RFX8: variants seen among roughly 807,000 people sequenced by gnomAD.
The protein encoded by RFX8 is DNA-binding protein RFX8.
Under a neutral mutation model 54.6 loss-of-function variants are expected in RFX8, and 46 were observed. The ratio of observed to expected loss-of-function variants is 0.84; its 90% CI spans 0.67 to 1.08. The LOEUF (loss-of-function observed/expected upper bound fraction) is 1.08, where lower values mean the gene tolerates loss of function less well. Ranked by LOEUF, RFX8 falls within the 50% of genes least tolerant of loss-of-function variation. The pLI is 0.00. For missense variants in RFX8, 536 were observed against 562.3 expected, an observed-to-expected ratio of 0.95 and a Z score of 0.47; for synonymous variants, 192 against 209.5, an observed-to-expected ratio of 0.92 and a Z score of 0.72.
At chr2:101,458,886 T>C (rs1689122480) in intron 2 of RFX8, among the ~76,000 whole-genome samples, 3 of 152,242 alleles carry the variant, frequency 2.0e-5, no homozygotes, top group Non-Finnish European at 4.4e-5. Flanking sequence ...TAGTCCCATA[T>C]TTCTTGGCGG....
At chr2:101,474,185 G>A (rs1690172294) in intron 1 of RFX8, 5 of 626,690 alleles carry the variant, frequency 8.0e-6, no homozygotes, top group Non-Finnish European at 1.4e-5. Flanking sequence ...CAGCGTCCCA[G>A]GCGCCTGGCG....
At chr2:101,447,610 A>G (rs749965963) in intron 2 of RFX8, among the ~76,000 whole-genome samples, 2 of 152,206 alleles carry the variant, frequency 1.3e-5, no homozygotes, top group Non-Finnish European at 2.9e-5. Flanking sequence ...TTGTGTTGGG[A>G]ACATTTCAAA....
intron 2 of RFX8, among the ~76,000 whole-genome samples, chr2:101,432,044 G>A (rs1687514358): frequency 6.6e-6 from 1 of 152,036 alleles, no homozygotes; most frequent in Non-Finnish European, 1.5e-5. Flanking sequence ...TGGAGAGATG[G>A]GGTCATCTAT....
At position 101,462,049 on chromosome 2, in the gene RFX8, T is replaced by C. The variant is rs1024065409; in HGVS notation, c.72+4728A>G. Among the ~76,000 whole-genome samples, 3 of 152,104 alleles carry C rather than the reference T, an allele frequency of 2.0e-5. No individual in the cohort carries two copies. In the East Asian group the frequency reaches 5.8e-4, roughly 29 times the overall value. ...TCGGCAGGCCACATATGGGGATCTA[T>C]CCTAAAAAAATGACCAGATATGGAT... On this transcript the variant is annotated intron_variant, in intron 2 of 11. Transcript: ENST00000428343.
At chr2:101,469,745 G>A (rs954721011) in intron 1 of RFX8, among the ~76,000 whole-genome samples, 1 of 152,020 alleles carries the variant, frequency 6.6e-6, no homozygotes, top group Admixed American at 6.6e-5. Context: ...ATGAATTGCT[G>A]TCCTCCCAAT....
chr2:101,422,261 C>T (rs924295665), intron 3 of RFX8, 101 bp downstream of exon 3: 4 of 683,222 alleles, frequency 5.9e-6, no homozygotes, highest in Non-Finnish European at 1.1e-5. Flanking sequence ...AAACATTATT[C>T]CATGTGACAC....
intron 1 of RFX8, among the ~76,000 whole-genome samples, chr2:101,470,709 CT>C (rs537834632): frequency 4.2e-3 from 444 of 105,498 alleles, no homozygotes; most frequent in African/African-American, 6.4e-3. Context: ...TCTGAGTACT[CT>C]TTTTTTTTTT....
At chr2:101,452,015 C>T (rs1202991583) in intron 2 of RFX8, among the ~76,000 whole-genome samples, 4 of 151,236 alleles carry the variant, frequency 2.6e-5, no homozygotes, top group Non-Finnish European at 5.9e-5. Flanking sequence ...ACTGCTTGAG[C>T]CCAGGGGCTT....
chr2:101,427,378 C>T (rs935437111), intron 2 of RFX8, among the ~76,000 whole-genome samples: 4 of 152,138 alleles, frequency 2.6e-5, no homozygotes, highest in African/African-American at 9.7e-5. Flanking sequence ...GCCAGAGAGA[C>T]TGCAGCGTGA....
At position 101,429,319 on chromosome 2, in the gene RFX8, G is replaced by A. The variant is rs114906472; in HGVS notation, c.73-6847C>T. On this transcript the variant is annotated intron_variant, in intron 2 of 11. Coordinates refer to ENST00000428343, the MANE Select transcript of RFX8 (RefSeq NM_001145664.2). Reference sequence around the variant, plus strand: ...TGGGAAAAGAAAAATCATCATGAACGTGAATTCTTATTACTTTTTTATTTT... The same window carrying A: ...TGGGAAAAGAAAAATCATCATGAACATGAATTCTTATTACTTTTTTATTTT... 9.3e-3 allele frequency among the ~76,000 whole-genome samples: 1,423 copies of A among 152,210 alleles called. 24 individuals are homozygous for A. Among genetic ancestry groups the A allele is most frequent in the African/African-American group, 0.033 (1,381 of 41,526 alleles).
intron 2 of RFX8, among the ~76,000 whole-genome samples, chr2:101,459,016 T>A (rs1348974221): frequency 6.6e-6 from 1 of 152,234 alleles, no homozygotes; most frequent in Non-Finnish European, 1.5e-5. Context: ...TATTGAAGCT[T>A]GTGTATGCAT....
At chr2:101,459,519 C>T (rs1377355351) in intron 2 of RFX8, among the ~76,000 whole-genome samples, 5 of 152,130 alleles carry the variant, frequency 3.3e-5, no homozygotes, top group East Asian at 3.9e-4. Context: ...CTCCAGACCC[C>T]GTTTGCCAGG....
chr2:101,397,822 C>T, intron 11 of RFX8, 98 bp from the exon 12 acceptor site: 1 of 1,014,988 alleles, frequency 9.9e-7, no homozygotes, highest in Non-Finnish European at 1.4e-6. Context: ...CAAGCCCGTG[C>T]TCCCACCCTG....
intron 2 of RFX8, among the ~76,000 whole-genome samples, chr2:101,451,604 G>A (rs1353626996): frequency 5.3e-5 from 8 of 149,956 alleles, no homozygotes; most frequent in African/African-American, 7.4e-5. Flanking sequence ...CAGGAGAATC[G>A]CTTGAATCTG....
In RFX8 at chr2:101,474,854, C is replaced by T. The variant is rs56304379; in HGVS notation, c.-271G>A. Among the ~76,000 whole-genome samples the T allele has an allele frequency of 7.3e-3, 1,066 of 146,422 alleles. 13 individuals carry two copies. Among genetic ancestry groups the T allele is most frequent in the African/African-American group, 0.026 (1,025 of 39,902 alleles). ...CAGGGTCCCGGGTGATGCTAATGTG[C>T]CCGCCGTTGCTGAAAACCACTGTCT... On this transcript the variant is annotated 5_prime_UTR_variant, in exon 1 of 12. Coordinates refer to ENST00000428343, the MANE Select transcript of RFX8 (RefSeq NM_001145664.2).
At chr2:101,432,736 C>T (rs2104616930) in intron 2 of RFX8, among the ~76,000 whole-genome samples, 1 of 152,306 alleles carries the variant, frequency 6.6e-6, no homozygotes, top group South Asian at 2.1e-4. Context: ...CCAAGGAAAC[C>T]ACACACAACA....
chr2:101,472,695 A>G (rs1241794050), intron 1 of RFX8, among the ~76,000 whole-genome samples: 1 of 152,184 alleles, frequency 6.6e-6, no homozygotes, highest in Admixed American at 6.5e-5. Context: ...GAGCCAAAAC[A>G]AACAAAAAAA....
chr2:101,424,580 C>T (rs373092174), intron 2 of RFX8, among the ~76,000 whole-genome samples: 157 of 152,168 alleles, frequency 1.0e-3, no homozygotes, highest in African/African-American at 3.5e-3. Context: ...ATGTTTATTG[C>T]GGCACTATTC....
chr2:101,463,385 C>T (rs1486285039), intron 2 of RFX8, among the ~76,000 whole-genome samples: 4 of 152,200 alleles, frequency 2.6e-5, no homozygotes, highest in Non-Finnish European at 5.9e-5. Context: ...GCCTCAGACT[C>T]CTGGTGGGCA....
Sources: allele counts gnomAD v4.1 joint callset (sites outside exome capture counted in the v4.1 genomes callset), GRCh38; gene constraint gnomAD v4.1.1; transcripts MANE v1.5; gene names NCBI Gene and HGNC (gene_info 2026-07-23, HGNC 2026-07-21).